CACNA2D2: variants seen among roughly 807,000 people sequenced by gnomAD.
CACNA2D2 encodes the protein calcium voltage-gated channel auxiliary subunit alpha2delta 2, also known as voltage-dependent calcium channel subunit alpha-2/delta-2.
A neutral mutation model predicts 166.4 loss-of-function variants in CACNA2D2; 48 were observed. The ratio of observed to expected loss-of-function variants is 0.29; its 90% CI spans 0.23 to 0.37. The LOEUF (loss-of-function observed/expected upper bound fraction) is 0.37, where lower values mean the gene tolerates loss of function less well. CACNA2D2 is among the 10% of genes least tolerant of loss of function. The pLI, the probability that CACNA2D2 is intolerant of heterozygous loss-of-function variation, is 1.00. For missense variants in CACNA2D2, 1,122 were observed against 1,433.0 expected, an observed-to-expected ratio of 0.78 and a Z score of 3.50; for synonymous variants, 561 against 573.7, an observed-to-expected ratio of 0.98 and a Z score of 0.32.
intron 2 of CACNA2D2, among the ~76,000 whole-genome samples, chr3:50,467,889 A>G (rs1307303825): frequency 6.6e-6 from 1 of 152,224 alleles, no homozygotes; most frequent in Non-Finnish European, 1.5e-5. Flanking sequence ...CACTCAGAGA[A>G]GGTGGAGAGA....
In CACNA2D2 at chr3:50,379,785, C is replaced by A. The variant is rs1705207657; in HGVS notation, c.933G>T (p.Lys311Asn). 1 of 1,613,934 alleles carries A rather than the reference C, an allele frequency of 6.2e-7. No homozygotes were observed. The highest frequency in any genetic ancestry group is 2.2e-5 in the East Asian group (1 of 44,880). Residue 311 changes from lysine to asparagine, a missense_variant, in exon 10 of 38, where the codon AAG becomes AAT. Lys to Asn is a moderately conservative substitution (Grantham distance 94, BLOSUM62 0). This residue lies in a region of CACNA2D2 where 840 missense variants were observed against 1,166.8 expected (regional missense o/e 0.72). Coordinates refer to ENST00000424201, the MANE Select transcript of CACNA2D2 (RefSeq NM_006030.4). This position sits in a 1 kb window ranked among gnomAD's most constrained non-coding sequence, Gnocchi z 6.5. ...TGTCCAGCATCTCGCAGACAGATGT[C>A]TTCATCAGCTTCAGGGTCAGGCCGC... Reference protein sequence around the residue: ...SVSGLTLKLMKTSVCEMLDTL... With the variant: ...SVSGLTLKLMNTSVCEMLDTL...
At chr3:50,410,371 G>C (rs977157803) in intron 3 of CACNA2D2, among the ~76,000 whole-genome samples, 1 of 152,242 alleles carries the variant, frequency 6.6e-6, no homozygotes, top group African/African-American at 2.4e-5. Flanking sequence ...CTGCAGAAGG[G>C]GGATCCCCTA....
chr3:50,483,115 G>C (rs1559993507), intron 1 of CACNA2D2, among the ~76,000 whole-genome samples: 1 of 152,206 alleles, frequency 6.6e-6, no homozygotes, highest in Non-Finnish European at 1.5e-5. Context: ...TCCCCAGCTA[G>C]CCACCTACCA....
At chr3:50,502,389 C>T (rs1301608722) in intron 1 of CACNA2D2, among the ~76,000 whole-genome samples, 1 of 152,224 alleles carries the variant, frequency 6.6e-6, no homozygotes, top group Non-Finnish European at 1.5e-5. Flanking sequence ...ATGCACTGAA[C>T]ATCCACTCCC....
chr3:50,420,799 T>C (rs1417087739), intron 3 of CACNA2D2, among the ~76,000 whole-genome samples: 3 of 152,206 alleles, frequency 2.0e-5, no homozygotes, highest in African/African-American at 7.2e-5. Flanking sequence ...GTAGAGGCAA[T>C]GCTGGCGTCC....
Position 50,375,735 on chromosome 3 carries a change from G to C in CACNA2D2, c.1846-30C>G. The C allele has an allele frequency of 6.2e-7, 1 of 1,613,038 alleles. No individual in the cohort carries two copies. The highest frequency in any genetic ancestry group is 1.1e-5 in the South Asian group (1 of 91,084). On this transcript the variant is annotated intron_variant, in intron 20 of 37. Coordinates refer to ENST00000424201, the MANE Select transcript of CACNA2D2 (RefSeq NM_006030.4). The surrounding 1 kb of genome is among the most constrained non-coding windows in gnomAD (Gnocchi z 4.0). ...GAGAGGAGGCTGGGTCAGGTACTTG[G>C]GCTAGCAGGCAGGGGGCGCTGGGGT...
intron 2 of CACNA2D2, among the ~76,000 whole-genome samples, chr3:50,475,904 G>C (rs1406741942): frequency 6.6e-6 from 1 of 152,170 alleles, no homozygotes; most frequent in Non-Finnish European, 1.5e-5. Flanking sequence ...TCCAAGCCGG[G>C]TGGTGGCTCC....
chr3:50,459,011 G>C (rs1709485383), intron 2 of CACNA2D2, among the ~76,000 whole-genome samples: 3 of 152,246 alleles, frequency 2.0e-5, no homozygotes, highest in Admixed American at 1.3e-4. Flanking sequence ...GTGTGCAGGG[G>C]ACAGGGCCAG....
At chr3:50,448,510 T>C (rs926452484) in intron 2 of CACNA2D2, among the ~76,000 whole-genome samples, 4 of 152,174 alleles carry the variant, frequency 2.6e-5, no homozygotes, top group African/African-American at 9.7e-5. Flanking sequence ...ACCCAGTGTA[T>C]GTCTCCAGGT....
intron 1 of CACNA2D2, among the ~76,000 whole-genome samples, chr3:50,488,858 C>A (rs1403132598): frequency 6.6e-6 from 1 of 152,080 alleles, no homozygotes; most frequent in East Asian, 1.9e-4. Flanking sequence ...CACCACCACA[C>A]CTGGCTAATT....
chr3:50,459,192 T>C (rs1389536107), intron 2 of CACNA2D2, among the ~76,000 whole-genome samples: 1 of 152,100 alleles, frequency 6.6e-6, no homozygotes, highest in East Asian at 1.9e-4. Flanking sequence ...AGCAGAAGAA[T>C]ATTTGATAAA....
At chr3:50,413,483 C>A (rs573328683) in intron 3 of CACNA2D2, among the ~76,000 whole-genome samples, 1 of 152,090 alleles carries the variant, frequency 6.6e-6, no homozygotes, top group Non-Finnish European at 1.5e-5. Flanking sequence ...CCAAGCACTG[C>A]GGGACTCTTG....
chr3:50,439,903 C>T (rs563842024), intron 2 of CACNA2D2, among the ~76,000 whole-genome samples: 3 of 152,338 alleles, frequency 2.0e-5, no homozygotes, highest in Admixed American at 1.3e-4. Context: ...GAGCCAGGTC[C>T]GGGCCCCCTG....
intron 3 of CACNA2D2, among the ~76,000 whole-genome samples, chr3:50,431,327 C>T (rs1431158569): frequency 1.3e-5 from 2 of 152,092 alleles, no homozygotes; most frequent in Non-Finnish European, 2.9e-5. Flanking sequence ...GGTGATCCTC[C>T]CCCTCCTCTG....
At chr3:50,450,222 T>C (rs2106951763) in intron 2 of CACNA2D2, among the ~76,000 whole-genome samples, 1 of 152,290 alleles carries the variant, frequency 6.6e-6, no homozygotes, top group Non-Finnish European at 1.5e-5. Context: ...CACATTCTTT[T>C]GACAGCGGAT....
At chr3:50,431,213 A>G (rs922979089) in intron 3 of CACNA2D2, among the ~76,000 whole-genome samples, 1 of 152,208 alleles carries the variant, frequency 6.6e-6, no homozygotes, top group Non-Finnish European at 1.5e-5. Context: ...GACTGCAAAC[A>G]AATGTGAAAA....
At chr3:50,468,519 G>GCC (rs1408881067) in intron 2 of CACNA2D2, among the ~76,000 whole-genome samples, 1 of 151,060 alleles carries the variant, frequency 6.6e-6, no homozygotes, top group Non-Finnish European at 1.5e-5. Context: ...TCAGGGAAGG[G>GCC]CCCTGCAGCA....
chr3:50,462,151 A>C (rs1285026890), intron 2 of CACNA2D2, among the ~76,000 whole-genome samples: 3 of 152,134 alleles, frequency 2.0e-5, no homozygotes, highest in African/African-American at 7.2e-5. Context: ...TGGGAGGCCG[A>C]GGCAGGGGAA....
At position 50,379,078 on chromosome 3, in the gene CACNA2D2, C is replaced by G. The variant is rs587694555; in HGVS notation, c.1260+14G>C. The G allele has an allele frequency of 1.9e-6, 3 of 1,613,458 alleles. No homozygotes were observed. Among genetic ancestry groups the G allele is most frequent in the Non-Finnish European group, 2.5e-6 (3 of 1,179,506 alleles). ...GCCCAGGTCAGGGTAGCCCCTGCCT[C>G]GGTTGAGCCTCACCGTCCGGTTTGG... On this transcript the variant is annotated intron_variant, in intron 12 of 37. Transcript: ENST00000424201. This position sits in a 1 kb window ranked among gnomAD's most constrained non-coding sequence, Gnocchi z 6.5.
Sources: allele counts gnomAD v4.1 joint callset (sites outside exome capture counted in the v4.1 genomes callset), GRCh38; gene constraint gnomAD v4.1.1; regional missense constraint gnomAD v4.1.1; non-coding constraint Gnocchi (gnomAD v3.1); transcripts MANE v1.5; gene names NCBI Gene and HGNC (gene_info 2026-07-23, HGNC 2026-07-21).